The following NPEPPS variants were observed in gnomAD, a reference collection of about 807,000 sequenced individuals.
NPEPPS encodes the protein aminopeptidase puromycin sensitive.
Under a neutral mutation model 115.5 loss-of-function variants are expected in NPEPPS, and 14 were observed. That is an observed-to-expected ratio of 0.12 (90% CI 0.08 to 0.19). The LOEUF is 0.19. NPEPPS is among the 10% of genes least tolerant of loss of function. The pLI is 1.00. For synonymous variants in NPEPPS, 285 were observed against 390.6 expected (o/e 0.73, Z 3.19); for missense variants, 523 against 1,110.8 (o/e 0.47, Z 7.52).
intron 1 of NPEPPS, among the ~76,000 whole-genome samples, chr17:47,536,607 C>G (rs904855864): frequency 6.6e-6 from 1 of 151,184 alleles, no homozygotes; most frequent in African/African-American, 2.4e-5. Flanking sequence ...GTTGGTCAGG[C>G]TGGTCTCGAA....
chr17:47,529,476 C>T (rs1907575444), upstream of NPEPPS, among the ~76,000 whole-genome samples: 1 of 148,128 alleles, frequency 6.8e-6, no homozygotes, highest in African/African-American at 2.5e-5. Context: ...GTGATCTTGG[C>T]TCGCTGCAAC....
Position 47,587,363 on chromosome 17 carries a change from T to C in NPEPPS, c.1095+19T>C. 2 of 1,477,992 alleles carry C rather than the reference T, an allele frequency of 1.4e-6. No individual in the cohort carries two copies. Among genetic ancestry groups the C allele is most frequent in the Non-Finnish European group, 1.8e-6 (2 of 1,117,068 alleles). The allele number at this position is 1,477,992 out of a possible 1,614,324, so 91.6% of individuals were successfully genotyped here. On this transcript the variant is annotated intron_variant, in intron 9 of 22. Coordinates refer to ENST00000322157, the MANE Select transcript of NPEPPS (RefSeq NM_006310.4). ...TACTATGGTATTTAATATTTTTAAG[T>C]GCTCAAATATATTTATCTTCATCCT...
At chr17:47,544,137 G>A (rs1199840394) in intron 1 of NPEPPS, among the ~76,000 whole-genome samples, 1 of 151,832 alleles carries the variant, frequency 6.6e-6, no homozygotes, top group Admixed American at 6.6e-5. Flanking sequence ...CTCATGATCC[G>A]CCTGCCTCGG....
chr17:47,535,896 G>A (rs1784857299), intron 1 of NPEPPS, among the ~76,000 whole-genome samples: 1 of 149,428 alleles, frequency 6.7e-6, no homozygotes, highest in South Asian at 2.1e-4. Context: ...GAGTGCAGTG[G>A]CGGGATCTTG....
Position 47,622,114 on chromosome 17 carries a change from C to A in NPEPPS, c.*194C>A. 7.8e-7 allele frequency: 1 copy of A among 1,274,292 alleles called. No homozygotes were observed. The highest frequency in any genetic ancestry group is 9.9e-7 in the Non-Finnish European group (1 of 1,007,952). 78.9% of individuals were successfully genotyped at this position (1,274,292 alleles called of 1,614,324 possible). On this transcript the variant is annotated 3_prime_UTR_variant, in exon 23 of 23. Coordinates refer to ENST00000322157, the MANE Select transcript of NPEPPS (RefSeq NM_006310.4). ...TATTGAAAAAGGAAAATCAGCAATT[C>A]AGCAAAAAATAAATAAAAAATAAAA...
upstream of NPEPPS, among the ~76,000 whole-genome samples, chr17:47,528,116 A>G (rs528404633): frequency 5.8e-4 from 87 of 150,566 alleles, 1 homozygote; most frequent in South Asian, 0.017. Flanking sequence ...AGCCTGGCTA[A>G]CATGGTGAAA....
intron 1 of NPEPPS, among the ~76,000 whole-genome samples, chr17:47,532,220 C>T (rs1907850668): frequency 6.6e-6 from 1 of 152,140 alleles, no homozygotes; most frequent in South Asian, 2.1e-4. Flanking sequence ...GACAGTGCAG[C>T]AGTGACTTTG....
chr17:47,548,638 A>G (rs1411397974), intron 2 of NPEPPS, among the ~76,000 whole-genome samples: 2 of 146,618 alleles, frequency 1.4e-5, no homozygotes, highest in African/African-American at 2.5e-5. Flanking sequence ...CTGTCGCCAA[A>G]CGATCTCGGC....
At chr17:47,598,541 CT>C (rs1246782245) in intron 13 of NPEPPS, among the ~76,000 whole-genome samples, 2 of 152,082 alleles carry the variant, frequency 1.3e-5, no homozygotes, top group Non-Finnish European at 2.9e-5. Flanking sequence ...GGGAGGATCA[CT>C]TGTGTTCTGG....
intron 2 of NPEPPS, among the ~76,000 whole-genome samples, chr17:47,562,099 C>T (rs1044347910): frequency 2.6e-5 from 4 of 152,214 alleles, no homozygotes; most frequent in African/African-American, 9.6e-5. Context: ...TGCACCTCTT[C>T]ATCTGCATTC....
intron 12 of NPEPPS, among the ~76,000 whole-genome samples, chr17:47,592,932 G>GT (rs1158480491): frequency 6.6e-6 from 1 of 151,980 alleles, no homozygotes; most frequent in African/African-American, 2.4e-5. Context: ...AGGCCCTGGT[G>GT]TGTGATGTTC....
chr17:47,547,442 C>G (rs1375388541), intron 2 of NPEPPS, among the ~76,000 whole-genome samples: 1 of 151,788 alleles, frequency 6.6e-6, no homozygotes, highest in Admixed American at 6.6e-5. Context: ...GTCTCCTGGT[C>G]TCAAGCCATC....
intron 19 of NPEPPS, among the ~76,000 whole-genome samples, chr17:47,616,685 A>G (rs1914222621): frequency 1.4e-5 from 2 of 147,816 alleles, no homozygotes; most frequent in Admixed American, 1.4e-4. Flanking sequence ...CTCCGTCTCA[A>G]AAAAAAAAAA....
intron 1 of NPEPPS, among the ~76,000 whole-genome samples, chr17:47,533,291 T>A (rs1467563203): frequency 6.6e-6 from 1 of 151,982 alleles, no homozygotes; most frequent in African/African-American, 2.4e-5. Context: ...CCATTAAGAA[T>A]ATGAATCAGA....
intron 15 of NPEPPS, chr17:47,602,059 T>C (rs1228936010): frequency 7.4e-6 from 2 of 271,466 alleles, no homozygotes; most frequent in Non-Finnish European, 1.4e-5. Context: ...GTCATTGTAA[T>C]GAAAGGTTAA....
At chr17:47,526,631 A>C (rs1251374192), upstream of NPEPPS, among the ~76,000 whole-genome samples, 1 of 152,250 alleles carries the variant, frequency 6.6e-6, no homozygotes, top group East Asian at 1.9e-4. Context: ...CATTTTGAGA[A>C]GCTGAGAAAC....
At chr17:47,612,638 T>C (rs1376985317) in intron 18 of NPEPPS, 36 bp downstream of exon 18, 2 of 1,560,932 alleles carry the variant, frequency 1.3e-6, no homozygotes, top group Non-Finnish European at 1.7e-6. Context: ...GACTTATAGG[T>C]AACATCATTT....
At chr17:47,616,335 G>A (rs1181824507) in intron 19 of NPEPPS, among the ~76,000 whole-genome samples, 1 of 152,118 alleles carries the variant, frequency 6.6e-6, no homozygotes, top group East Asian at 1.9e-4. Flanking sequence ...ATCACTTGAG[G>A]CCAGGAGTTC....
chr17:47,528,044 G>A (rs1365405544), upstream of NPEPPS, among the ~76,000 whole-genome samples: 1 of 151,972 alleles, frequency 6.6e-6, no homozygotes, highest in Non-Finnish European at 1.5e-5. Flanking sequence ...GTTCATGTCT[G>A]TAATCTCAGC....
Sources: gnomAD v4.1 joint callset for allele counts (sites outside exome capture counted in the v4.1 genomes callset) on GRCh38, gnomAD v4.1.1 for gene constraint, MANE v1.5 for transcripts, NCBI Gene and HGNC (gene_info 2026-07-23, HGNC 2026-07-21) for gene names.